The following AK4 variants were observed in gnomAD, a reference collection of about 807,000 sequenced individuals.
AK4 encodes the protein adenylate kinase 4, mitochondrial.
Under a neutral mutation model 24.6 loss-of-function variants are expected in AK4, and 13 were observed. The ratio of observed to expected loss-of-function variants is 0.53; its 90% confidence interval spans 0.34 to 0.84. The LOEUF is 0.84. Ranked by LOEUF, AK4 falls within the 40% of genes least tolerant of loss-of-function variation. The pLI, the probability that AK4 is intolerant of heterozygous loss-of-function variation, is 0.01. For synonymous variants in AK4, 88 were observed against 107.0 expected, an observed-to-expected ratio of 0.82 and a Z score of 1.10; for missense variants, 192 against 288.2, an observed-to-expected ratio of 0.67 and a Z score of 2.42.
At chr1:65,206,420 T>C (rs1425510326) in intron 2 of AK4, among the ~76,000 whole-genome samples, 1 of 152,236 alleles carries the variant, frequency 6.6e-6, no homozygotes, top group Non-Finnish European at 1.5e-5. Flanking sequence ...GGACCGGTTT[T>C]CCCCTAATTT....
intron 1 of AK4, among the ~76,000 whole-genome samples, chr1:65,162,171 A>G (rs1215308708): frequency 6.6e-6 from 1 of 152,128 alleles, no homozygotes; most frequent in East Asian, 1.9e-4. Context: ...ACTTGTGCCC[A>G]GGAGGTGGAG....
intron 1 of AK4, among the ~76,000 whole-genome samples, chr1:65,175,811 A>G (rs533031636): frequency 2.6e-5 from 4 of 152,078 alleles, no homozygotes; most frequent in Non-Finnish European, 5.9e-5. Context: ...ATTTTGGCAA[A>G]TCTTTCAGAT....
At chr1:65,170,165 A>G (rs1157183009) in intron 1 of AK4, among the ~76,000 whole-genome samples, 3 of 152,114 alleles carry the variant, frequency 2.0e-5, no homozygotes, top group Non-Finnish European at 4.4e-5. Context: ...TCACGAGGTC[A>G]GGAGATTGAG....
At chr1:65,151,106 A>G (rs1166691213) in intron 1 of AK4, among the ~76,000 whole-genome samples, 2 of 152,070 alleles carry the variant, frequency 1.3e-5, no homozygotes, top group Non-Finnish European at 2.9e-5. Flanking sequence ...GGCGTCTGCC[A>G]CCACGCCCGG....
chr1:65,159,847 A>G (rs1045682556), intron 1 of AK4, among the ~76,000 whole-genome samples: 3 of 151,842 alleles, frequency 2.0e-5, no homozygotes, highest in African/African-American at 7.3e-5. Context: ...GTGCGCCTGT[A>G]GTCCCAGCTA....
At chr1:65,148,161 G>A, upstream of AK4, 1 of 750,692 alleles carries the variant, frequency 1.3e-6, no homozygotes, top group Non-Finnish European at 2.0e-6. Context: ...GTGGAGGAGG[G>A]CGAGGAGGTG....
intron 2 of AK4, among the ~76,000 whole-genome samples, chr1:65,208,997 GGGT>G (rs904406952): frequency 1.3e-5 from 2 of 151,804 alleles, no homozygotes; most frequent in African/African-American, 4.8e-5. Context: ...TTTGTGGGGG[GGGT>G]CTTAAAAAAA....
chr1:65,205,234 ATTTTAT>A (rs1651778941), intron 2 of AK4, among the ~76,000 whole-genome samples: 1 of 151,878 alleles, frequency 6.6e-6, no homozygotes, highest in Non-Finnish European at 1.5e-5. Context: ...TCCCCATTTT[ATTTTAT>A]TTTTATTTGT....
Position 65,223,517 on chromosome 1 carries a change from A to C in AK4, c.439-1235A>C, listed in dbSNP as rs529404222. 3.3e-5 allele frequency among the ~76,000 whole-genome samples: 5 copies of C among 152,114 alleles called. No individual in the cohort carries two copies. The South Asian group carries it at 1.0e-3, about 32-fold the overall frequency. The stretch of plus-strand genomic sequence containing the variant: ...CTGATAAATGTTATCACGTATGATG[A>C]GAGTGGGGGGGTTCTTGCCTTTTTC... On this transcript the variant is annotated intron_variant, in intron 3 of 4. Coordinates refer to ENST00000327299, the MANE Select transcript of AK4 (RefSeq NM_013410.4).
At position 65,148,260 on chromosome 1, in the gene AK4, C is replaced by T; in HGVS notation, c.-148C>T. ...TGAGGGGAGGGGTTGTCTTAAAAGT[C>T]TCTCCTTCCCCCTGTAGGGGCGGCC... On this transcript the variant is annotated 5_prime_UTR_variant, in exon 1 of 5. Coordinates refer to ENST00000327299, the MANE Select transcript of AK4 (RefSeq NM_013410.4). 1 of 1,262,220 alleles carries T rather than the reference C, an allele frequency of 7.9e-7. No individual in the cohort carries two copies. Among genetic ancestry groups the T allele is most frequent in the South Asian group, 1.6e-5 (1 of 62,458 alleles). 78.2% of individuals were successfully genotyped at this position (1,262,220 alleles called of 1,614,324 possible). A position where few individuals can be genotyped will look rare whatever the true frequency, so the allele number is the denominator to read the frequency against.
intron 2 of AK4, among the ~76,000 whole-genome samples, chr1:65,209,004 A>T (rs1651893679): frequency 6.6e-6 from 1 of 151,970 alleles, no homozygotes; most frequent in Non-Finnish European, 1.5e-5. Context: ...GGGGGGTCTT[A>T]AAAAAAACAA....
intron 1 of AK4, among the ~76,000 whole-genome samples, chr1:65,179,492 T>C (rs545380206): frequency 6.6e-6 from 1 of 152,342 alleles, no homozygotes; most frequent in South Asian, 2.1e-4. Context: ...GGGAATATTA[T>C]ACCCTAGACT....
chr1:65,212,071 T>C (rs1318620548), intron 2 of AK4, among the ~76,000 whole-genome samples: 1 of 152,126 alleles, frequency 6.6e-6, no homozygotes, highest in Non-Finnish European at 1.5e-5. Context: ...GATGCCGGTA[T>C]GGCTGGCACG....
At chr1:65,210,714 C>G (rs1054564113) in intron 2 of AK4, among the ~76,000 whole-genome samples, 1 of 152,112 alleles carries the variant, frequency 6.6e-6, no homozygotes, top group Non-Finnish European at 1.5e-5. Context: ...TCTTCTCAAA[C>G]CTGCTGTTTG....
chr1:65,167,482 A>G (rs1268610537), intron 1 of AK4, among the ~76,000 whole-genome samples: 1 of 147,354 alleles, frequency 6.8e-6, no homozygotes, highest in South Asian at 2.1e-4. Context: ...TTACACTTGT[A>G]TTACTTTAGT....
At chr1:65,172,255 T>G (rs1650562038) in intron 1 of AK4, among the ~76,000 whole-genome samples, 1 of 151,200 alleles carries the variant, frequency 6.6e-6, no homozygotes, top group African/African-American at 2.4e-5. Context: ...GTTAAAAAAG[T>G]TAATCGTCTT....
chr1:65,181,595 C>G (rs1482032930), intron 1 of AK4, among the ~76,000 whole-genome samples: 1 of 152,070 alleles, frequency 6.6e-6, no homozygotes, highest in Non-Finnish European at 1.5e-5. Context: ...CCATTGTTGG[C>G]CAGGCTGGTC....
chr1:65,172,063 GTATATA>G (rs3051712), intron 1 of AK4, among the ~76,000 whole-genome samples: 4,400 of 65,604 alleles, frequency 0.067, 269 homozygotes, highest in Non-Finnish European at 0.093. Flanking sequence ...TCCATCTCAA[GTATATA>G]TATATATATA....
intron 3 of AK4, among the ~76,000 whole-genome samples, chr1:65,219,992 A>G (rs1031112683): frequency 2.0e-5 from 3 of 152,212 alleles, no homozygotes; most frequent in Non-Finnish European, 2.9e-5. Context: ...CGTTGGAATC[A>G]TATAGTATAT....
Sources: gnomAD v4.1 joint callset for allele counts (sites outside exome capture counted in the v4.1 genomes callset) on GRCh38, gnomAD v4.1.1 for gene constraint, MANE v1.5 for transcripts, NCBI Gene and HGNC (gene_info 2026-07-23, HGNC 2026-07-21) for gene names.